SLC24A3: variants seen among roughly 807,000 people sequenced by gnomAD.
SLC24A3 encodes the protein sodium/potassium/calcium exchanger 3.
Under a neutral mutation model 75.8 loss-of-function variants are expected in SLC24A3, and 28 were observed. The ratio of observed to expected loss-of-function variants is 0.37; its 90% CI spans 0.27 to 0.51. SLC24A3 has a LOEUF of 0.51. Among genes scored for constraint, SLC24A3 ranks in the 20% least tolerant of loss-of-function variants. The pLI, the probability that SLC24A3 is intolerant of heterozygous loss-of-function variation, is 0.94. For synonymous variants in SLC24A3, 372 were observed against 334.1 expected (o/e 1.11, Z -1.24); for missense variants, 663 against 847.8 (o/e 0.78, Z 2.71).
chr20:19,348,548 G>A (rs1184257071), intron 2 of SLC24A3, among the ~76,000 whole-genome samples: 1 of 152,068 alleles, frequency 6.6e-6, no homozygotes. Context: ...CTTGGTATTT[G>A]TGCTGCTGCC....
At chr20:19,665,465 G>A (rs2032386936) in intron 7 of SLC24A3, among the ~76,000 whole-genome samples, 1 of 152,170 alleles carries the variant, frequency 6.6e-6, no homozygotes, top group South Asian at 2.1e-4. Context: ...ATCTTACAGA[G>A]ACTAATATTT....
chr20:19,501,507 C>T (rs1009965026), intron 2 of SLC24A3, among the ~76,000 whole-genome samples: 1 of 152,218 alleles, frequency 6.6e-6, no homozygotes, highest in Non-Finnish European at 1.5e-5. Context: ...ACATCAAAAT[C>T]TGACACTTGC....
At chr20:19,397,583 TA>T (rs1446741258) in intron 2 of SLC24A3, among the ~76,000 whole-genome samples, 1 of 151,934 alleles carries the variant, frequency 6.6e-6, no homozygotes, top group Non-Finnish European at 1.5e-5. Context: ...CATTTTGCCT[TA>T]AAAATGTTAG....
At chr20:19,320,823 C>A (rs8117434) in intron 2 of SLC24A3, among the ~76,000 whole-genome samples, 11,757 of 151,906 alleles carry the variant, frequency 0.077, 1,475 homozygotes, top group African/African-American at 0.27. Context: ...TACGAGAAAA[C>A]AGTCTGTACA....
At chr20:19,339,300 T>C (rs560154906) in intron 2 of SLC24A3, among the ~76,000 whole-genome samples, 18 of 152,196 alleles carry the variant, frequency 1.2e-4, no homozygotes, top group South Asian at 4.2e-4. Context: ...GTTTTTTTTT[T>C]CCCCTTGTGC....
At chr20:19,694,756 A>G (rs1226678598) in intron 13 of SLC24A3, 5 of 152,312 alleles carry the variant, frequency 3.3e-5, no homozygotes, top group Middle Eastern at 3.4e-3. Flanking sequence ...ATAAGTCCCA[A>G]TCAATGCCCA....
At chr20:19,372,848 C>T (rs1986015442) in intron 2 of SLC24A3, among the ~76,000 whole-genome samples, 1 of 152,122 alleles carries the variant, frequency 6.6e-6, no homozygotes, top group Non-Finnish European at 1.5e-5. Flanking sequence ...TTTCATCCTT[C>T]TCTGTGGCGG....
chr20:19,660,464 TGTTTC>T (rs2032314201), intron 7 of SLC24A3, among the ~76,000 whole-genome samples: 1 of 152,180 alleles, frequency 6.6e-6, no homozygotes, highest in Non-Finnish European at 1.5e-5. Flanking sequence ...CAAAAGATAT[TGTTTC>T]GTTTCTTTTC....
At chr20:19,461,920 A>G (rs76152934) in intron 2 of SLC24A3, among the ~76,000 whole-genome samples, 3,427 of 152,276 alleles carry the variant, frequency 0.023, 118 homozygotes, top group African/African-American at 0.077. Flanking sequence ...TGAGAGGTTA[A>G]GTAAAGTCTC....
At chr20:19,408,452 T>C (rs4813356) in intron 2 of SLC24A3, among the ~76,000 whole-genome samples, 75,148 of 150,456 alleles carry the variant, frequency 0.5, 18,903 homozygotes, top group Middle Eastern at 0.59. Flanking sequence ...TGCAGTGGCA[T>C]AATCTCAGCT....
At chr20:19,635,935 T>C (rs2031995902) in intron 6 of SLC24A3, among the ~76,000 whole-genome samples, 1 of 152,012 alleles carries the variant, frequency 6.6e-6, no homozygotes, top group Admixed American at 6.6e-5. Flanking sequence ...GGTCAGGAGA[T>C]CGAGACCATC....
At chr20:19,312,847 T>G (rs1224352383) in intron 2 of SLC24A3, among the ~76,000 whole-genome samples, 1 of 152,058 alleles carries the variant, frequency 6.6e-6, no homozygotes, top group Non-Finnish European at 1.5e-5. Context: ...CTGGTGTGTT[T>G]TATGTGGTGG....
intron 2 of SLC24A3, among the ~76,000 whole-genome samples, chr20:19,402,439 A>G (rs1237606398): frequency 6.6e-6 from 1 of 152,198 alleles, no homozygotes; most frequent in Non-Finnish European, 1.5e-5. Flanking sequence ...AAATGATGAG[A>G]AACCAACCAA....
chr20:19,703,510 T>C (rs2032896530), intron 15 of SLC24A3, among the ~76,000 whole-genome samples: 1 of 152,236 alleles, frequency 6.6e-6, no homozygotes, highest in Non-Finnish European at 1.5e-5. Flanking sequence ...TGTACATCAA[T>C]AACTCCTGAG....
At chr20:19,258,051 CCT>C (rs1982868510) in intron 1 of SLC24A3, among the ~76,000 whole-genome samples, 1 of 152,228 alleles carries the variant, frequency 6.6e-6, no homozygotes, top group Non-Finnish European at 1.5e-5. Context: ...CCTTTATCAA[CCT>C]CTGTTTTCTG....
chr20:19,423,847 G>A (rs1442443079), intron 2 of SLC24A3, among the ~76,000 whole-genome samples: 1 of 152,162 alleles, frequency 6.6e-6, no homozygotes, highest in East Asian at 1.9e-4. Context: ...TTTGTCGGTA[G>A]TCAGCAGTTC....
At chr20:19,581,229 G>C (rs1348905650) in intron 4 of SLC24A3, among the ~76,000 whole-genome samples, 3 of 152,144 alleles carry the variant, frequency 2.0e-5, no homozygotes, top group South Asian at 4.1e-4. Context: ...TGAGAGTGGG[G>C]TCACCTTATG....
chr20:19,536,237 C>T (rs556787297), intron 3 of SLC24A3, among the ~76,000 whole-genome samples: 80 of 152,266 alleles, frequency 5.3e-4, no homozygotes, highest in African/African-American at 1.9e-3. Flanking sequence ...AGCCCACCAA[C>T]TGAAGATGAC....
chr20:19,444,328 G>A (rs1269393446), intron 2 of SLC24A3, among the ~76,000 whole-genome samples: 1 of 152,134 alleles, frequency 6.6e-6, no homozygotes, highest in African/African-American at 2.4e-5. Context: ...TGGTACTGGA[G>A]TAATGTTGGC....
Sources: allele counts gnomAD v4.1 joint callset (sites outside exome capture counted in the v4.1 genomes callset), GRCh38; gene constraint gnomAD v4.1.1; transcripts MANE v1.5; gene names NCBI Gene and HGNC (gene_info 2026-07-23, HGNC 2026-07-21).